C5AR1: variants seen among roughly 807,000 people sequenced by gnomAD.
C5AR1 encodes C5a anaphylatoxin chemotactic receptor 1.
Under a neutral mutation model 2.4 loss-of-function variants are expected in C5AR1, and 4 were observed. That is an observed-to-expected ratio of 1.65 (90% CI 0.81 to 3.77). The LOEUF (loss-of-function observed/expected upper bound fraction) is 3.77. Among genes scored for constraint, C5AR1 ranks in the 30% most tolerant of loss-of-function variants. The pLI is 0.01. For synonymous variants in C5AR1, 209 were observed against 210.4 expected, an observed-to-expected ratio of 0.99 and a Z score of 0.06; for missense variants, 418 against 462.5, an observed-to-expected ratio of 0.90 and a Z score of 0.88.
chr19:47,316,835 A>G (rs959896384), intron 1 of C5AR1, among the ~76,000 whole-genome samples: 1 of 151,998 alleles, frequency 6.6e-6, no homozygotes, highest in East Asian at 1.9e-4. Context: ...CCCACTGCCC[A>G]TAGCCTGGCT....
Position 47,320,045 on chromosome 19 carries a change from C to A in C5AR1, c.268C>A (p.Pro90Thr), listed in dbSNP as rs749509337. 2 of 1,614,238 alleles carry A rather than the reference C, an allele frequency of 1.2e-6. No homozygotes were observed. The highest frequency in any genetic ancestry group is 1.7e-6 in the Non-Finnish European group (2 of 1,180,040). ...VADFLSCLAL[P>T]ILFTSIVQHH... ...CGACTTCCTCTCCTGCCTGGCGCTG[C>A]CCATCTTGTTCACGTCCATTGTACA... Residue 90 changes from proline to threonine, a missense_variant, in exon 2 of 2, where the codon CCC becomes ACC. Physicochemically the swap from Pro to Thr is conservative, Grantham distance 38. Coordinates refer to ENST00000355085, the MANE Select transcript of C5AR1 (RefSeq NM_001736.4). The surrounding 1 kb of genome is among the most constrained non-coding windows in gnomAD (Gnocchi z 4.9).
rs1192398270 is a variant in C5AR1 at position 47,319,538 on chromosome 19, G to A, written c.4-243G>A. On this transcript the variant is annotated intron_variant, in intron 1 of 1. Transcript: ENST00000355085. ...TGCCCAGGCTATTCTCAAACTCCTG[G>A]GCTCAAGCAGTCCGCCCGCCTCGGC... 2.0e-5 allele frequency among the ~76,000 whole-genome samples: 3 copies of A among 150,446 alleles called. No individual in the cohort carries two copies. The East Asian group carries it at 6.0e-4, about 30-fold the overall frequency.
chr19:47,317,351 A>T (rs1002291399), intron 1 of C5AR1, among the ~76,000 whole-genome samples: 2 of 151,546 alleles, frequency 1.3e-5, no homozygotes, highest in African/African-American at 2.4e-5. Flanking sequence ...TTAAAAAAAC[A>T]TTAAAAATTA....
intron 1 of C5AR1, among the ~76,000 whole-genome samples, chr19:47,311,277 T>C (rs1485554166): frequency 6.6e-6 from 1 of 151,986 alleles, no homozygotes; most frequent in Non-Finnish European, 1.5e-5. Context: ...TTTGGGAGAC[T>C]GAGGCGGGCG....
chr19:47,317,342 TA>T (rs1202317645), intron 1 of C5AR1, among the ~76,000 whole-genome samples: 1 of 150,980 alleles, frequency 6.6e-6, no homozygotes, highest in Non-Finnish European at 1.5e-5. Flanking sequence ...CCCTCCTCTT[TA>T]AAAAAACATT....
chr19:47,320,118 C>A lies in C5AR1; in HGVS notation c.341C>A (p.Ser114Tyr). Residue 114 changes from serine to tyrosine, a missense_variant, in exon 2 of 2, where the codon TCC becomes TAC. Transcript: ENST00000355085. This position sits in a 1 kb window ranked among gnomAD's most constrained non-coding sequence, Gnocchi z 4.9. ...GGGGCCGCCTGCAGCATCCTGCCCT[C>A]CCTCATCCTGCTCAACATGTACGCC... ...FGGAACSILP[S>Y]LILLNMYASI... is the part of the protein sequence containing the mutation. 2.5e-6 allele frequency: 4 copies of A among 1,614,198 alleles called. No homozygotes were observed. Among genetic ancestry groups the A allele is most frequent in the Non-Finnish European group, 3.4e-6 (4 of 1,180,048 alleles).
At chr19:47,310,116 C>G (rs1445705534) in intron 1 of C5AR1, among the ~76,000 whole-genome samples, 1 of 152,132 alleles carries the variant, frequency 6.6e-6, no homozygotes, top group Non-Finnish European at 1.5e-5. Flanking sequence ...ATAAGATTGT[C>G]AAGATTGTGG....
At position 47,320,194 on chromosome 19, in the gene C5AR1, T is replaced by C; in HGVS notation, c.417T>C (p.Phe139=). The change falls in exon 2 of 2, where the codon TTT becomes TTC. Residue 139 remains phenylalanine, a synonymous_variant. Coordinates refer to ENST00000355085, the MANE Select transcript of C5AR1 (RefSeq NM_001736.4). This position sits in a 1 kb window ranked among gnomAD's most constrained non-coding sequence, Gnocchi z 4.9. ...GCGCCGACCGCTTTCTGCTGGTGTT[T>C]AAACCCATCTGGTGCCAGAACTTCC... ...TISADRFLLV[F]KPIWCQNFRG... 6.2e-7 allele frequency: 1 copy of C among 1,614,200 alleles called. No homozygotes were observed. Among genetic ancestry groups the C allele is most frequent in the Non-Finnish European group, 8.5e-7 (1 of 1,180,036 alleles).
intron 1 of C5AR1, among the ~76,000 whole-genome samples, chr19:47,310,157 C>T (rs748060002): frequency 1.3e-5 from 2 of 151,986 alleles, no homozygotes; most frequent in Admixed American, 6.6e-5. Context: ...GGCTGGGGCC[C>T]GAGAAGATTC....
chr19:47,320,326 A>G lies in C5AR1; in HGVS notation c.549A>G (p.Pro183=), dbSNP rs1245027766. 2 of 1,609,600 alleles carry G rather than the reference A, an allele frequency of 1.2e-6. No homozygotes were observed. Among genetic ancestry groups the G allele is most frequent in the South Asian group, 2.2e-5 (2 of 91,046 alleles). ...LYRVVREEYF[P]PKVLCGVDYS... ...GGGTGGTCCGGGAGGAGTACTTTCC[A>G]CCAAAGGTGTTGTGTGGCGTGGACT... The change falls in exon 2 of 2, where the codon CCA becomes CCG. Residue 183 remains proline (P), a synonymous_variant. Transcript: ENST00000355085. The surrounding 1 kb of genome is among the most constrained non-coding windows in gnomAD (Gnocchi z 4.9).
At chr19:47,313,174 C>T (rs1028898913) in intron 1 of C5AR1, among the ~76,000 whole-genome samples, 6 of 152,070 alleles carry the variant, frequency 3.9e-5, no homozygotes, top group African/African-American at 1.4e-4. Flanking sequence ...GACGGGATTT[C>T]ACCATGTTGG....
intron 1 of C5AR1, among the ~76,000 whole-genome samples, chr19:47,314,029 C>T (rs924516725): frequency 3.7e-4 from 56 of 152,106 alleles, no homozygotes; most frequent in African/African-American, 3.9e-4. Context: ...CTCATCCGAT[C>T]GTTCACATCT....
chr19:47,314,781 C>T (rs530669389), intron 1 of C5AR1, among the ~76,000 whole-genome samples: 18 of 152,336 alleles, frequency 1.2e-4, no homozygotes, highest in Admixed American at 5.9e-4. Context: ...ACAACCTCCA[C>T]CTCCTGGGTT....
At chr19:47,316,379 T>C (rs1266774640) in intron 1 of C5AR1, 3 of 152,178 alleles carry the variant, frequency 2.0e-5, no homozygotes, top group Non-Finnish European at 2.9e-5. Context: ...CCATCATCCA[T>C]GCATCCACTC....
At chr19:47,315,971 TCATCCATCCATCCATC>T (rs555304432) in intron 1 of C5AR1, among the ~76,000 whole-genome samples, 2 of 151,462 alleles carry the variant, frequency 1.3e-5, no homozygotes, top group African/African-American at 2.4e-5. Context: ...GTCCATCGAT[TCATCCATCCATCCATC>T]CATCCATCCA....
chr19:47,308,757 T>C (rs2122125214), upstream of C5AR1, among the ~76,000 whole-genome samples: 1 of 151,148 alleles, frequency 6.6e-6, no homozygotes, highest in South Asian at 2.1e-4. Flanking sequence ...GGTTTCACCA[T>C]ATTGGCCAGG....
At chr19:47,319,555 C>T (rs1397041243) in intron 1 of C5AR1, among the ~76,000 whole-genome samples, 1 of 151,954 alleles carries the variant, frequency 6.6e-6, no homozygotes, top group Admixed American at 6.6e-5. Context: ...GCAGTCCGCC[C>T]GCCTCGGCCT....
intron 1 of C5AR1, 93 bp downstream of exon 1, chr19:47,309,991 C>T (rs558018011): frequency 1.8e-5 from 23 of 1,309,714 alleles, no homozygotes; most frequent in African/African-American, 1.3e-4. Flanking sequence ...CAACTCTCGC[C>T]GTCAACTCTG....
At chr19:47,311,371 A>G (rs2059269862) in intron 1 of C5AR1, among the ~76,000 whole-genome samples, 1 of 151,868 alleles carries the variant, frequency 6.6e-6, no homozygotes. Flanking sequence ...TTAGCTGGGC[A>G]TATAAGCGGG....
Sources: allele counts gnomAD v4.1 joint callset (sites outside exome capture counted in the v4.1 genomes callset), GRCh38; gene constraint gnomAD v4.1.1; non-coding constraint Gnocchi (gnomAD v3.1); transcripts MANE v1.5; gene names NCBI Gene and HGNC (gene_info 2026-07-23, HGNC 2026-07-21).